Variants in ZFPL1 observed in about 807,000 individuals in gnomAD.
ZFPL1 encodes the protein zinc finger protein-like 1.
In ZFPL1, 28 loss-of-function variants were observed where a neutral mutation model predicts 32.0. That is an observed-to-expected ratio of 0.87 (90% CI 0.65 to 1.20). The LOEUF (loss-of-function observed/expected upper bound fraction) is 1.20, where lower values mean the gene tolerates loss of function less well. Among genes scored for constraint, ZFPL1 ranks in the 50% most tolerant of loss-of-function variants. ZFPL1 has a pLI of 0.00. For synonymous variants in ZFPL1, 165 were observed against 177.0 expected, an observed-to-expected ratio of 0.93 and a Z score of 0.54; for missense variants, 386 against 424.8, an observed-to-expected ratio of 0.91 and a Z score of 0.80.
rs1426190780 is a variant in ZFPL1 at position 65,088,346 on chromosome 11, C to T, written c.*232C>T. ...CCTCCCGGGTCTCCAGCCTCCGACCCCTCGCCCCATGAAGGAGCTGGCAGG... is the reference window on the plus strand; with the variant it reads ...CCTCCCGGGTCTCCAGCCTCCGACCTCTCGCCCCATGAAGGAGCTGGCAGG... On this transcript the variant is annotated 3_prime_UTR_variant, in exon 8 of 8. Coordinates refer to ENST00000294258, the MANE Select transcript of ZFPL1 (RefSeq NM_006782.4). 3.8e-5 allele frequency: 48 copies of T among 1,266,786 alleles called. No homozygotes were observed. In the South Asian group the frequency reaches 4.7e-4, roughly 12 times the overall value. 78.5% of individuals were successfully genotyped at this position (1,266,786 alleles called of 1,614,324 possible).
intron 3 of ZFPL1, chr11:65,085,699 T>G (rs887048211): frequency 1.6e-4 from 35 of 224,158 alleles, no homozygotes; most frequent in Non-Finnish European, 2.9e-4. Flanking sequence ...TAGCTCCAGT[T>G]TTTGAAGGAG....
rs1310448207 is a variant in ZFPL1 at position 65,088,028 on chromosome 11, A to C, written c.847A>C (p.Met283Leu). ...LLGFLALLAL[M>L]SRLGRAAADS... ...GGGCTTCCTGGCCCTCCTTGCCCTC[A>C]TGTCTCGCCTAGGCCGGGCCGCAGC... Residue 283 changes from methionine (M) to leucine (L), a missense_variant, in exon 8 of 8, where the codon ATG becomes CTG. Met to Leu is a conservative substitution (Grantham distance 15). Transcript: ENST00000294258. 1 of 1,608,472 alleles carries C rather than the reference A, an allele frequency of 6.2e-7. No homozygotes were observed. The highest frequency in any genetic ancestry group is 8.5e-7 in the Non-Finnish European group (1 of 1,178,748).
Position 65,086,736 on chromosome 11 carries a change from G to C in ZFPL1, c.425G>C (p.Ser142Thr), listed in dbSNP as rs898814790. Residue 142 changes from serine to threonine, a missense_variant, in exon 5 of 8, where the codon AGC (serine) becomes ACC (threonine). Physicochemically the swap from Ser to Thr is moderately conservative, Grantham distance 58. Coordinates refer to ENST00000294258, the MANE Select transcript of ZFPL1 (RefSeq NM_006782.4). ...LGLPLIDEVVSPEPEPLNTSD... is the reference protein window; with the variant it reads ...LGLPLIDEVVTPEPEPLNTSD... ...TTCCTCCAGATCGATGAGGTGGTGA[G>C]CCCAGAGCCCGAGCCCCTCAACACG... 4 of 1,614,088 alleles carry C rather than the reference G, an allele frequency of 2.5e-6. No homozygotes were observed. Among genetic ancestry groups the C allele is most frequent in the Non-Finnish European group, 3.4e-6 (4 of 1,180,042 alleles).
chr11:65,087,517 G>A, intron 7 of ZFPL1, 84 bp downstream of exon 7: 1 of 1,321,024 alleles, frequency 7.6e-7, no homozygotes. Context: ...ATGGTTTCAT[G>A]ACAAAAGGGG....
Sources: allele counts gnomAD v4.1 joint callset, GRCh38; gene constraint gnomAD v4.1.1; transcripts MANE v1.5; gene names NCBI Gene and HGNC (gene_info 2026-07-23, HGNC 2026-07-21).